The following OC90 variants were observed in gnomAD, a reference collection of about 807,000 sequenced individuals.
OC90 encodes otoconin-90.
OC90 carries 46 observed loss-of-function variants against 47.3 expected under a neutral mutation model. The observed-to-expected ratio is 0.97, with a 90% confidence interval of 0.77 to 1.24. The LOEUF (loss-of-function observed/expected upper bound fraction) is 1.24. Ranked by LOEUF, OC90 falls within the 50% of genes most tolerant of loss-of-function variation. The pLI, the probability that OC90 is intolerant of heterozygous loss-of-function variation, is 0.00. For missense variants in OC90, 688 were observed against 583.9 expected (o/e 1.18, Z -1.84); for synonymous variants, 271 against 219.5 (o/e 1.23, Z -2.07).
intron 2 of OC90, among the ~76,000 whole-genome samples, chr8:132,047,364 T>G (rs1007306107): frequency 6.6e-6 from 1 of 152,244 alleles, no homozygotes; most frequent in South Asian, 2.1e-4. Context: ...ACTTTTCAAT[T>G]ATAAAAAAGT....
chr8:132,037,821 G>A (rs1822991985), intron 8 of OC90, among the ~76,000 whole-genome samples: 1 of 152,180 alleles, frequency 6.6e-6, no homozygotes, highest in Non-Finnish European at 1.5e-5. Flanking sequence ...GAGGCAGGGG[G>A]TGTTGAGGAT....
chr8:132,037,624 C>T, intron 8 of OC90, 136 bp from the exon 9 acceptor site: 1 of 727,596 alleles, frequency 1.4e-6, no homozygotes, highest in East Asian at 2.7e-5. Flanking sequence ...CTAAGAAGAG[C>T]TGTTCATCCT....
chr8:132,053,916 A>T (rs1823248459), intron 2 of OC90, among the ~76,000 whole-genome samples: 1 of 152,224 alleles, frequency 6.6e-6, no homozygotes, highest in African/African-American at 2.4e-5. Context: ...GGGAGCCAAC[A>T]TGGAAGCTGC....
At chr8:132,049,585 A>G (rs1459255813) in intron 2 of OC90, among the ~76,000 whole-genome samples, 1 of 152,224 alleles carries the variant, frequency 6.6e-6, no homozygotes, top group Non-Finnish European at 1.5e-5. Flanking sequence ...CTGAAGATGT[A>G]AAAGTGTGTC....
chr8:132,024,864 C>T, intron 13 of OC90, 88 bp from the exon 14 acceptor site: 1 of 1,144,292 alleles, frequency 8.7e-7, no homozygotes, highest in Non-Finnish European at 1.2e-6. Context: ...CTCAGCCCTT[C>T]TCCTTCCTCC....
intron 10 of OC90, 119 bp from the exon 11 acceptor site, chr8:132,033,283 C>T: frequency 1.9e-6 from 2 of 1,034,100 alleles, no homozygotes; most frequent in Non-Finnish European, 2.8e-6. Flanking sequence ...GAGAATGTTC[C>T]TCAAACTGGG....
chr8:132,034,910 A>C, intron 9 of OC90, 76 bp from the exon 10 acceptor site: 1 of 1,013,432 alleles, frequency 9.9e-7, no homozygotes, highest in South Asian at 1.4e-5. Flanking sequence ...GGCTCTTCCC[A>C]CCCACTGCAC....
chr8:132,032,116 C>T lies in OC90; in HGVS notation c.860-64G>A, dbSNP rs1822885773. ...CGGGGCAGCTGTCTCAACAGGAAGG[C>T]CATGTGAGCCTCCGGGTTGTATGTG... On this transcript the variant is annotated intron_variant, in intron 11 of 13. Coordinates refer to ENST00000254627, the MANE Select transcript of OC90 (RefSeq NM_001080399.3). The T allele has an allele frequency of 6.1e-6, 9 of 1,464,626 alleles. No homozygotes were observed. The South Asian group carries it at 8.6e-5, about 14-fold the overall frequency. The allele number at this position is 1,464,626 out of a possible 1,614,324, so 90.7% of individuals were successfully genotyped here.
chr8:132,045,239 A>G (rs751245584), intron 3 of OC90, among the ~76,000 whole-genome samples: 8 of 152,210 alleles, frequency 5.3e-5, no homozygotes, highest in Non-Finnish European at 1.2e-4. Flanking sequence ...TCACGCATGA[A>G]TAATTTGGTT....
intron 6 of OC90, among the ~76,000 whole-genome samples, chr8:132,039,429 C>T (rs1411569846): frequency 6.6e-6 from 1 of 152,214 alleles, no homozygotes; most frequent in African/African-American, 2.4e-5. Context: ...TGTCTCGTGC[C>T]TGGTCATGGT....
intron 6 of OC90, among the ~76,000 whole-genome samples, chr8:132,040,686 T>G (rs1037359128): frequency 6.6e-6 from 1 of 152,190 alleles, no homozygotes; most frequent in African/African-American, 2.4e-5. Flanking sequence ...TGAAGTAGGT[T>G]TCTCCTCCCC....
rs185665521 is a variant in OC90 at position 132,033,158 on chromosome 8, G to C, written c.740C>G (p.Ala247Gly). The stretch of plus-strand genomic sequence containing the variant: ...TGTAACCCTTGTTGCAACTATCTCT[G>C]CAGATCCTGAAAATGAAAAACTTCA... Reference protein sequence around the residue: ...AARATSPPGSAEIVATRVTAK... With the variant: ...AARATSPPGSGEIVATRVTAK... Residue 247 changes from alanine (A) to glycine (G), a missense_variant, in exon 11 of 14, where the codon GCA becomes GGA. Ala to Gly is a moderately conservative substitution (Grantham distance 60, BLOSUM62 0). Transcript: ENST00000254627. 1 of 1,604,538 alleles carries C rather than the reference G, an allele frequency of 6.2e-7. No homozygotes were observed. The highest frequency in any genetic ancestry group is 2.2e-5 in the East Asian group (1 of 44,726).
chr8:132,058,062 C>A (rs561259302), intron 1 of OC90, among the ~76,000 whole-genome samples: 1 of 152,338 alleles, frequency 6.6e-6, no homozygotes, highest in African/African-American at 2.4e-5. Flanking sequence ...GGGTGGCCAG[C>A]TTCTTGCTAG....
chr8:132,030,259 T>C (rs1398694496), intron 12 of OC90, among the ~76,000 whole-genome samples: 5 of 152,218 alleles, frequency 3.3e-5, no homozygotes, highest in African/African-American at 1.2e-4. Context: ...ACTGAAATTG[T>C]CCATCATGTA....
intron 2 of OC90, among the ~76,000 whole-genome samples, chr8:132,047,367 A>G (rs975355106): frequency 3.9e-5 from 6 of 152,206 alleles, no homozygotes; most frequent in Non-Finnish European, 8.8e-5. Context: ...TTTCAATTAT[A>G]AAAAAGTTTG....
At chr8:132,052,219 C>T (rs1823221425) in intron 2 of OC90, among the ~76,000 whole-genome samples, 1 of 152,174 alleles carries the variant, frequency 6.6e-6, no homozygotes, top group Admixed American at 6.5e-5. Context: ...GGACTGTGAC[C>T]TGTAAAATGT....
intron 8 of OC90, among the ~76,000 whole-genome samples, chr8:132,037,820 G>A (rs1822991959): frequency 6.6e-6 from 1 of 152,114 alleles, no homozygotes; most frequent in Admixed American, 6.5e-5. Flanking sequence ...GGAGGCAGGG[G>A]GTGTTGAGGA....
intron 2 of OC90, among the ~76,000 whole-genome samples, chr8:132,051,041 G>C (rs1431743637): frequency 6.6e-6 from 1 of 152,128 alleles, no homozygotes; most frequent in East Asian, 1.9e-4. Context: ...CCAGGCTCAT[G>C]GAAGATCTCA....
Position 132,041,668 on chromosome 8 carries a change from CT to C in OC90, c.200del (p.Gln67ArgfsTer10). On this transcript the variant is annotated frameshift_variant, in exon 5 of 14. Coordinates refer to ENST00000254627, the MANE Select transcript of OC90 (RefSeq NM_001080399.3). LOFTEE classifies it high-confidence loss of function. ...GCACAGGGAAATTGGTGAAGACAGC[CT>C]GCAGCCAGGTGAAGTGGGGGCCCAG... ...DCLGPHFTWLQAVFTNFPVLI... is the reference protein window; with the variant it reads ...DCLGPHFTWLXAVFTNFPVLI... 6.3e-7 allele frequency: 1 copy of C among 1,597,640 alleles called. No individual in the cohort carries two copies. The highest frequency in any genetic ancestry group is 1.1e-5 in the South Asian group (1 of 89,202).
Sources: gnomAD v4.1 joint callset for allele counts (sites outside exome capture counted in the v4.1 genomes callset) on GRCh38, gnomAD v4.1.1 for gene constraint, MANE v1.5 for transcripts, NCBI Gene and HGNC (gene_info 2026-07-23, HGNC 2026-07-21) for gene names.